The following NGEF variants were observed in gnomAD, a reference collection of about 807,000 sequenced individuals.
NGEF encodes the protein ephexin-1.
Under a neutral mutation model 80.9 loss-of-function variants are expected in NGEF, and 31 were observed. The ratio of observed to expected loss-of-function variants is 0.38; its 90% CI spans 0.29 to 0.52. The LOEUF is 0.52. NGEF is among the 20% of genes least tolerant of loss of function. The pLI is 0.84. For synonymous variants in NGEF, 371 were observed against 370.2 expected, an observed-to-expected ratio of 1.00 and a Z score of -0.03; for missense variants, 709 against 926.2, an observed-to-expected ratio of 0.77 and a Z score of 3.04.
At chr2:232,885,202 G>A in intron 10 of NGEF, 78 bp downstream of exon 10, 1 of 1,333,926 alleles carries the variant, frequency 7.5e-7, no homozygotes, top group Non-Finnish European at 1.1e-6. Flanking sequence ...GGCCAGCCAG[G>A]CGCGGTGATC....
chr2:233,004,792 C>G (rs1464482921), intron 1 of NGEF, among the ~76,000 whole-genome samples: 1 of 152,052 alleles, frequency 6.6e-6, no homozygotes, highest in Non-Finnish European at 1.5e-5. Context: ...ATTTCCCTTC[C>G]TCATCCTGCT....
intron 3 of NGEF, among the ~76,000 whole-genome samples, chr2:232,937,746 G>C (rs778517616): frequency 3.3e-5 from 5 of 152,194 alleles, no homozygotes; most frequent in Non-Finnish European, 7.3e-5. Flanking sequence ...CAGTAATTAA[G>C]TGGAGCATCA....
chr2:232,920,852 A>C (rs1163958588), intron 4 of NGEF, among the ~76,000 whole-genome samples: 1 of 152,094 alleles, frequency 6.6e-6, no homozygotes, highest in Non-Finnish European at 1.5e-5. Context: ...AATCCAATAT[A>C]TGCTTTCCCC....
chr2:232,936,563 A>T (rs923100404), intron 3 of NGEF, among the ~76,000 whole-genome samples: 1 of 152,184 alleles, frequency 6.6e-6, no homozygotes, highest in African/African-American at 2.4e-5. Flanking sequence ...AGCCAACCAC[A>T]TCTTTGTGAC....
chr2:232,892,578 C>T lies in NGEF; in HGVS notation c.1142+320G>A, dbSNP rs1691917831. ...CTGGGCTTTGAATTGTCCACATGAC[C>T]TCACTTGACCTCAAGCTCTCTTTTC... On this transcript the variant is annotated intron_variant, in intron 7 of 14. Transcript: ENST00000264051. The surrounding 1 kb of genome is among the most constrained non-coding windows in gnomAD (Gnocchi z 4.0). Among the ~76,000 whole-genome samples, 1 of 152,194 alleles carries T rather than the reference C, an allele frequency of 6.6e-6. No individual in the cohort carries two copies. Among genetic ancestry groups the T allele is most frequent in the African/African-American group, 2.4e-5 (1 of 41,452 alleles).
rs554390366 is a variant in NGEF at position 232,883,383 on chromosome 2, T to G, written c.1685A>C (p.Asn562Thr). ...CTCCAGCAGCCGCAGGATGAACACG[T>G]TGGCCAGCGTCTGGCCCTGGTCCTC... is the stretch of plus-strand genomic sequence containing the variant. Reference protein sequence around the residue: ...ELEDQGQTLANVFILRLLENA... With the variant: ...ELEDQGQTLATVFILRLLENA... Residue 562 changes from asparagine (N) to threonine (T), a missense_variant, in exon 12 of 15, where the codon AAC (asparagine) becomes ACC (threonine). By Grantham distance (65) the Asn-to-Thr change is moderately conservative (BLOSUM62 0). Coordinates refer to ENST00000264051, the MANE Select transcript of NGEF (RefSeq NM_019850.3). 1 of 1,612,888 alleles carries G rather than the reference T, an allele frequency of 6.2e-7. No homozygotes were observed. The highest frequency in any genetic ancestry group is 8.5e-7 in the Non-Finnish European group (1 of 1,179,572).
chr2:232,879,378 A>C lies in NGEF; in HGVS notation c.*111T>G. ...GGATGAGGGCCGGGCACCCCAAGCC[A>C]GATCCTGCCACCTGGGGAGGTGCTG... On this transcript the variant is annotated 3_prime_UTR_variant, in exon 15 of 15. Transcript: ENST00000264051. The C allele has an allele frequency of 8.7e-7, 1 of 1,150,554 alleles. No homozygotes were observed. The highest frequency in any genetic ancestry group is 1.2e-6 in the Non-Finnish European group (1 of 809,388). 71.3% of individuals were successfully genotyped at this position (1,150,554 alleles called of 1,614,324 possible).
At chr2:232,977,767 G>A (rs1385830017) in intron 1 of NGEF, among the ~76,000 whole-genome samples, 3 of 152,196 alleles carry the variant, frequency 2.0e-5, no homozygotes, top group African/African-American at 7.2e-5. Flanking sequence ...CGAGCAGGAG[G>A]CACAGGCGGG....
intron 3 of NGEF, among the ~76,000 whole-genome samples, chr2:232,949,985 T>C (rs1184907721): frequency 6.6e-6 from 1 of 152,018 alleles, no homozygotes; most frequent in African/African-American, 2.4e-5. Context: ...CTAATTTCTG[T>C]ATTTTTAGCA....
In NGEF at chr2:232,888,086, C is replaced by T. The variant is rs755332968; in HGVS notation, c.1294G>A (p.Glu432Lys). 6.2e-7 allele frequency: 1 copy of T among 1,607,846 alleles called. No homozygotes were observed. Among genetic ancestry groups the T allele is most frequent in the South Asian group, 1.1e-5 (1 of 89,456 alleles). ...LVQNILKRVE[E>K]RSERECTALD... Reference sequence around the variant, plus strand: ...GCAGTGCACTCCCGCTCAGACCTCTCTTCTACCCTCTTCAGGATGTTCTAT... The same window carrying T: ...GCAGTGCACTCCCGCTCAGACCTCTTTTCTACCCTCTTCAGGATGTTCTAT... Residue 432 changes from glutamate (E) to lysine (K), a missense_variant, in exon 9 of 15, where the codon GAG becomes AAG. This residue lies in a region of NGEF where 426 missense variants were observed against 622.9 expected (regional missense o/e 0.68). Coordinates refer to ENST00000264051, the MANE Select transcript of NGEF (RefSeq NM_019850.3).
chr2:232,978,074 G>A (rs1033448844), intron 1 of NGEF, among the ~76,000 whole-genome samples: 4 of 152,140 alleles, frequency 2.6e-5, no homozygotes, highest in African/African-American at 7.2e-5. Flanking sequence ...ATCCCTAACC[G>A]ACACTGGACT....
rs570180043 is a variant in NGEF, at chr2:232,879,423, C to A, written c.*66G>T. On this transcript the variant is annotated 3_prime_UTR_variant, in exon 15 of 15. Coordinates refer to ENST00000264051, the MANE Select transcript of NGEF (RefSeq NM_019850.3). ...GTGCTGGCCTGTGCTTCCCAGAGCC[C>A]CCCCCCCCCCACCTTCTGTCGGGGT... 76 of 881,204 alleles carry A rather than the reference C, an allele frequency of 8.6e-5. No individual in the cohort carries two copies. In the South Asian group the frequency reaches 1.3e-3, roughly 15 times the overall value. The allele number at this position is 881,204 out of a possible 1,614,324, so 54.6% of individuals were successfully genotyped here.
At chr2:232,919,707 C>A (rs1692892475) in intron 5 of NGEF, among the ~76,000 whole-genome samples, 1 of 152,180 alleles carries the variant, frequency 6.6e-6, no homozygotes, top group Non-Finnish European at 1.5e-5. Flanking sequence ...TTGCCTCAGC[C>A]TAATTGATAG....
At chr2:232,982,411 G>A (rs1393973473) in intron 1 of NGEF, among the ~76,000 whole-genome samples, 1 of 152,204 alleles carries the variant, frequency 6.6e-6, no homozygotes, top group African/African-American at 2.4e-5. Flanking sequence ...GCACCCCTAA[G>A]AGAGGGACTG....
In NGEF at chr2:232,879,456, A is replaced by G. The variant is rs1691416369; in HGVS notation, c.*33T>C. ...CCCACCTTCTGTCGGGGTCTCATGC[A>G]GGCCCTGCTCCCGCTGGCCCCCTGG... On this transcript the variant is annotated 3_prime_UTR_variant, in exon 15 of 15. Coordinates refer to ENST00000264051, the MANE Select transcript of NGEF (RefSeq NM_019850.3). 2.3e-6 allele frequency: 3 copies of G among 1,325,882 alleles called. No homozygotes were observed. In the South Asian group the frequency reaches 4.0e-5, roughly 18 times the overall value. The allele number at this position is 1,325,882 out of a possible 1,614,324, so 82.1% of individuals were successfully genotyped here. A position where few individuals can be genotyped will look rare whatever the true frequency, so the allele number is the denominator to read the frequency against.
chr2:232,960,654 G>A (rs183507444), intron 3 of NGEF, among the ~76,000 whole-genome samples: 20 of 152,294 alleles, frequency 1.3e-4, no homozygotes, highest in African/African-American at 4.6e-4. Context: ...TGAGGCGGGT[G>A]GATCACCTGA....
At chr2:232,888,325 C>T (rs1344322204) in intron 8 of NGEF, among the ~76,000 whole-genome samples, 1 of 151,840 alleles carries the variant, frequency 6.6e-6, no homozygotes, top group African/African-American at 2.4e-5. Context: ...CACACATGCA[C>T]ACCATGCACA....
chr2:232,934,832 A>G (rs1158082713), intron 3 of NGEF, among the ~76,000 whole-genome samples: 1 of 151,682 alleles, frequency 6.6e-6, no homozygotes, highest in Non-Finnish European at 1.5e-5. Flanking sequence ...GTGAAACCTC[A>G]TCTCTAAAAA....
At chr2:232,946,938 G>C (rs575792220) in intron 3 of NGEF, among the ~76,000 whole-genome samples, 3 of 120,936 alleles carry the variant, frequency 2.5e-5, no homozygotes, top group African/African-American at 8.2e-5. Flanking sequence ...AAAAAACAAA[G>C]GAAGGGTCTT....
Sources: gnomAD v4.1 joint callset for allele counts (sites outside exome capture counted in the v4.1 genomes callset) on GRCh38, gnomAD v4.1.1 for gene constraint, gnomAD v4.1.1 regional missense constraint, Gnocchi (gnomAD v3.1) non-coding constraint, MANE v1.5 for transcripts, NCBI Gene and HGNC (gene_info 2026-07-23, HGNC 2026-07-21) for gene names.